The following NSA2 variants were observed in gnomAD, a reference collection of about 807,000 sequenced individuals.
NSA2 encodes the protein NSA2 ribosome biogenesis factor.
A neutral mutation model predicts 34.8 loss-of-function variants in NSA2; 18 were observed. The ratio of observed to expected loss-of-function variants is 0.52; its 90% confidence interval spans 0.36 to 0.77. NSA2 has a LOEUF of 0.77. Among genes scored for constraint, NSA2 ranks in the 30% least tolerant of loss-of-function variants. The pLI is 0.00. For missense variants in NSA2, 188 were observed against 314.7 expected, an observed-to-expected ratio of 0.60 and a Z score of 3.05; for synonymous variants, 79 against 100.2, an observed-to-expected ratio of 0.79 and a Z score of 1.26.
chr5:74,769,257 G>GA lies in NSA2; in HGVS notation c.239dup (p.Thr81AspfsTer20), dbSNP rs1480003803. 6.2e-7 allele frequency: 1 copy of GA among 1,611,712 alleles called. No individual in the cohort carries two copies. Among genetic ancestry groups the GA allele is most frequent in the Non-Finnish European group, 8.5e-7 (1 of 1,179,486 alleles). On this transcript the variant is annotated frameshift_variant, in exon 3 of 6. Coordinates refer to ENST00000610426, the MANE Select transcript of NSA2 (RefSeq NM_014886.6). LOFTEE classifies it high-confidence loss of function. ...GAGAAACACCAAACAAAAGAATGAT[G>GA]AAAAGACACCACAGGGAGCAGTACC... is the stretch of plus-strand genomic sequence containing the variant.
At position 74,773,470 on chromosome 5, in the gene NSA2, CAAAAAA is replaced by C. The variant is rs768356175; in HGVS notation, c.523-383_523-378del. Among the ~76,000 whole-genome samples the C allele has an allele frequency of 4.0e-3, 398 of 99,008 alleles. 6 individuals carry two copies. The highest frequency in any genetic ancestry group is 0.012 in the African/African-American group (363 of 29,188). 65.0% of individuals were successfully genotyped at this position (99,008 alleles called of 152,430 possible). On this transcript the variant is annotated intron_variant, in intron 4 of 5. Transcript: ENST00000610426. ...CAACATGGCGAAACCCCATCTCTAC[CAAAAAA>C]AAAAAAAAAAAAAATAAGCTAGGCA...
At chr5:74,770,945 AT>A in intron 4 of NSA2, 135 bp downstream of exon 4, 1 of 763,264 alleles carries the variant, frequency 1.3e-6, no homozygotes, top group Non-Finnish European at 2.0e-6. Context: ...AATTTTTGTT[AT>A]TTTATTGACA....
Position 74,767,276 on chromosome 5 carries a change from G to A in NSA2, c.-85G>A. On this transcript the variant is annotated 5_prime_UTR_variant, in exon 1 of 6. In the 5' UTR this introduces an upstream ATG that the reference lacks. Coordinates refer to ENST00000610426, the MANE Select transcript of NSA2 (RefSeq NM_014886.6). ...TCTTTCCTGTCCCGGCCTGCGTGGT[G>A]TGGGCTTGTGGGTCTTTGAGACCCG... 1.9e-6 allele frequency: 3 copies of A among 1,553,292 alleles called. No individual in the cohort carries two copies. Among genetic ancestry groups the A allele is most frequent in the Non-Finnish European group, 2.7e-6 (3 of 1,126,804 alleles).
At position 74,776,780 on chromosome 5, in the gene NSA2, GATTT is replaced by G. The variant is rs918296192; in HGVS notation, c.*113_*116del. On this transcript the variant is annotated 3_prime_UTR_variant, in exon 6 of 6. Coordinates refer to ENST00000610426, the MANE Select transcript of NSA2 (RefSeq NM_014886.6). ...CAGCCATACATGTCTGCAATGAAGA[GATTT>G]ATTAAATTGTAAACATTAAAGTGGT... The G allele has an allele frequency of 4.6e-5, 29 of 629,364 alleles. No homozygotes were observed. The highest frequency in any genetic ancestry group is 3.4e-4 in the African/African-American group (18 of 53,520). 39.0% of individuals were successfully genotyped at this position (629,364 alleles called of 1,614,324 possible).
intron 3 of NSA2, 54 bp downstream of exon 3, chr5:74,769,418 A>C (rs972499420): frequency 2.8e-6 from 4 of 1,432,310 alleles, no homozygotes; most frequent in Non-Finnish European, 3.8e-6. Context: ...ACTTAAATTC[A>C]AATTTGAGGT....
intron 5 of NSA2, 95 bp from the exon 6 acceptor site, chr5:74,776,509 A>C: frequency 1.4e-6 from 1 of 700,064 alleles, no homozygotes; most frequent in Non-Finnish European, 2.5e-6. Flanking sequence ...GTATTAAGAC[A>C]AAAAGAAAAA....
At position 74,773,860 on chromosome 5, in the gene NSA2, C is replaced by T; in HGVS notation, c.523-8C>T. 1 of 1,606,480 alleles carries T rather than the reference C, an allele frequency of 6.2e-7. No homozygotes were observed. The highest frequency in any genetic ancestry group is 2.2e-5 in the East Asian group (1 of 44,830). ...GTAAACATTCTTATGTTGTGTTTGACTTACTAGGGCTTGCGTTTCAAGAAA... is the reference window on the plus strand; with the variant it reads ...GTAAACATTCTTATGTTGTGTTTGATTTACTAGGGCTTGCGTTTCAAGAAA... On this transcript the variant is annotated splice_region_variant and splice_polypyrimidine_tract_variant and intron_variant, in intron 4 of 5. Coordinates refer to ENST00000610426, the MANE Select transcript of NSA2 (RefSeq NM_014886.6).
intron 5 of NSA2, among the ~76,000 whole-genome samples, chr5:74,776,203 A>G (rs1745112315): frequency 6.6e-6 from 1 of 152,216 alleles, no homozygotes; most frequent in South Asian, 2.1e-4. Flanking sequence ...TGGTAATTAG[A>G]AATATTTTAG....
At chr5:74,773,336 A>G (rs1745005650) in intron 4 of NSA2, among the ~76,000 whole-genome samples, 2 of 149,446 alleles carry the variant, frequency 1.3e-5, no homozygotes, top group South Asian at 4.2e-4. Flanking sequence ...TACAGGGTGA[A>G]AAAAAAAAAA....
In NSA2 at chr5:74,774,148, C is replaced by A. The variant is rs116709668; in HGVS notation, c.715+88C>A. ...GTTGATGTATTAATAAAATATACAG[C>A]AAATTTTTTTAATGCAGTAGAGCTA... On this transcript the variant is annotated intron_variant, in intron 5 of 5. Coordinates refer to ENST00000610426, the MANE Select transcript of NSA2 (RefSeq NM_014886.6). The A allele has an allele frequency of 3.5e-3, 3,127 of 906,192 alleles. 64 individuals are homozygous for A. The African/African-American group carries it at 0.046, about 13-fold the overall frequency. The allele number at this position is 906,192 out of a possible 1,614,324, so 56.1% of individuals were successfully genotyped here.
At chr5:74,774,782 A>G (rs1745057305) in intron 5 of NSA2, among the ~76,000 whole-genome samples, 1 of 152,234 alleles carries the variant, frequency 6.6e-6, no homozygotes, top group Non-Finnish European at 1.5e-5. Context: ...GCCAATGACT[A>G]AAGATGTCTT....
chr5:74,775,716 GAATAA>G (rs745952848), intron 5 of NSA2, among the ~76,000 whole-genome samples: 2 of 151,234 alleles, frequency 1.3e-5, no homozygotes, highest in Non-Finnish European at 2.9e-5. Context: ...AAAAAAAATA[GAATAA>G]ATTAACCATG....
At chr5:74,767,398 G>T (rs1421052396) in intron 1 of NSA2, 35 bp downstream of exon 1, 1 of 1,611,698 alleles carries the variant, frequency 6.2e-7, no homozygotes, top group African/African-American at 1.3e-5. Flanking sequence ...GCGACACACA[G>T]CGTCTGAGTT....
chr5:74,774,287 T>C (rs1386538747), intron 5 of NSA2, among the ~76,000 whole-genome samples: 1 of 152,210 alleles, frequency 6.6e-6, no homozygotes, highest in African/African-American at 2.4e-5. Context: ...TAAGGTGTAA[T>C]ACATTCTGCT....
chr5:74,770,740 C>G lies in NSA2; in HGVS notation c.452C>G (p.Thr151Ser). 1 of 1,613,192 alleles carries G rather than the reference C, an allele frequency of 6.2e-7. No individual in the cohort carries two copies. Among genetic ancestry groups the G allele is most frequent in the Non-Finnish European group, 8.5e-7 (1 of 1,179,646 alleles). Residue 151 changes from threonine (T) to serine (S), a missense_variant, in exon 4 of 6, where the codon ACT becomes AGT. Physicochemically the swap from Thr to Ser is moderately conservative, Grantham distance 58. Transcript: ENST00000610426. ...RKKKAWKRMV[T>S]KVCFVGDGFT... ...AAGAAGGCATGGAAGAGAATGGTTACTAAAGTGTGCTTTGTTGGAGATGGC... is the reference window on the plus strand; with the variant it reads ...AAGAAGGCATGGAAGAGAATGGTTAGTAAAGTGTGCTTTGTTGGAGATGGC...
rs1745300854 is a variant in NSA2, at chr5:74,779,501, T to A, written c.*2830T>A. ...TTTCAAATCTAAGAAATGAAACATG[T>A]AAAGATTAAGAATTTACTGAATCTT... On this transcript the variant is annotated 3_prime_UTR_variant, in exon 6 of 6. Coordinates refer to ENST00000610426, the MANE Select transcript of NSA2 (RefSeq NM_014886.6). 1.3e-5 allele frequency: 2 copies of A among 152,290 alleles called. No individual in the cohort carries two copies. The highest frequency in any genetic ancestry group is 4.1e-4 in the South Asian group (2 of 4,828). The allele number at this position is 152,290 out of a possible 1,614,324, so 9.4% of individuals were successfully genotyped here.
intron 1 of NSA2, 70 bp downstream of exon 1, chr5:74,767,433 G>A (rs1346251032): frequency 1.3e-6 from 2 of 1,586,780 alleles, no homozygotes; most frequent in South Asian, 1.1e-5. Flanking sequence ...ACTCTGGGGC[G>A]CTGGGGTAGG....
intron 5 of NSA2, 91 bp downstream of exon 5, chr5:74,774,151 ATTTT>A (rs1296556479): frequency 3.6e-6 from 3 of 834,560 alleles, no homozygotes; most frequent in Non-Finnish European, 5.6e-6. Context: ...TATACAGCAA[ATTTT>A]TTTAATGCAG....
At chr5:74,773,174 CAG>C (rs748003690) in intron 4 of NSA2, among the ~76,000 whole-genome samples, 7 of 152,194 alleles carry the variant, frequency 4.6e-5, no homozygotes, top group South Asian at 2.1e-4. Flanking sequence ...CATTTGAAAA[CAG>C]AGGAGAGGGG....
Sources: gnomAD v4.1 joint callset for allele counts (sites outside exome capture counted in the v4.1 genomes callset) on GRCh38, gnomAD v4.1.1 for gene constraint, MANE v1.5 for transcripts, NCBI Gene and HGNC (gene_info 2026-07-23, HGNC 2026-07-21) for gene names.